The following ANXA10 variants were observed in gnomAD, a reference collection of about 807,000 sequenced individuals.
ANXA10 encodes annexin 14.
ANXA10 carries 49 observed loss-of-function variants against 53.5 expected under a neutral mutation model. That is an observed-to-expected ratio of 0.92 (90% confidence interval 0.73 to 1.16). The LOEUF (loss-of-function observed/expected upper bound fraction) is 1.16, where lower values mean the gene tolerates loss of function less well. ANXA10 is among the 50% of genes most tolerant of loss of function. The probability of loss-of-function intolerance (pLI) is 0.00; values close to 1 mark genes in which losing one functional copy is unlikely to be tolerated. For missense variants in ANXA10, 393 were observed against 394.4 expected, an observed-to-expected ratio of 1.00 and a Z score of 0.03; for synonymous variants, 131 against 128.9, an observed-to-expected ratio of 1.02 and a Z score of -0.11.
At chr4:168,092,826 TG>T (rs1730481111) in intron 1 of ANXA10, 108 bp downstream of exon 1, 1 of 1,062,936 alleles carries the variant, frequency 9.4e-7, no homozygotes, top group Non-Finnish European at 1.3e-6. Flanking sequence ...TGTTCTAATT[TG>T]TTTTTATTCT....
chr4:168,153,934 T>C (rs1187600626), intron 3 of ANXA10, among the ~76,000 whole-genome samples: 1 of 151,978 alleles, frequency 6.6e-6, no homozygotes, highest in African/African-American at 2.4e-5. Flanking sequence ...AATTATATTA[T>C]TTCTTTTTTT....
chr4:168,103,291 G>A (rs868534181), intron 1 of ANXA10, among the ~76,000 whole-genome samples: 2 of 151,850 alleles, frequency 1.3e-5, no homozygotes, highest in African/African-American at 4.8e-5. Context: ...AAGTTTTATA[G>A]ACTTACATTT....
At chr4:168,108,639 T>G (rs1237360751) in intron 1 of ANXA10, among the ~76,000 whole-genome samples, 1 of 152,072 alleles carries the variant, frequency 6.6e-6, no homozygotes, top group Non-Finnish European at 1.5e-5. Context: ...ATGTAGTCTG[T>G]GGCAAAGTCT....
chr4:168,106,630 C>A (rs1730723653), intron 1 of ANXA10, among the ~76,000 whole-genome samples: 1 of 152,084 alleles, frequency 6.6e-6, no homozygotes, highest in Non-Finnish European at 1.5e-5. Flanking sequence ...AAATAATTTA[C>A]CACTTTGTAC....
At chr4:168,173,828 C>G (rs1171162516) in intron 6 of ANXA10, among the ~76,000 whole-genome samples, 1 of 152,142 alleles carries the variant, frequency 6.6e-6, no homozygotes, top group African/African-American at 2.4e-5. Context: ...ACATTCCTAC[C>G]CTTCCCTAAT....
chr4:168,177,779 G>T lies in ANXA10; in HGVS notation c.520G>T (p.Ala174Ser), dbSNP rs1485953464. The T allele has an allele frequency of 3.7e-6, 6 of 1,614,170 alleles. No individual in the cohort carries two copies. In the South Asian group the frequency reaches 5.5e-5, roughly 15 times the overall value. Residue 174 changes from alanine to serine, a missense_variant, in exon 7 of 12, where the codon GCT becomes TCT. Physicochemically the swap from Ala to Ser is moderately conservative, Grantham distance 99 (BLOSUM62 1). Transcript: ENST00000359299. ...AGGATATACAGACCCTGCGATGGCT[G>T]CTCAGGATGCAATGGTAACTAGAAC... is the stretch of plus-strand genomic sequence containing the variant. ...EEGYTDPAMA[A>S]QDAMVLWEAC...
At chr4:168,128,392 ATGTT>A (rs1731106857) in intron 2 of ANXA10, among the ~76,000 whole-genome samples, 2 of 152,188 alleles carry the variant, frequency 1.3e-5, no homozygotes, top group African/African-American at 4.8e-5. Context: ...TAATCTTAAA[ATGTT>A]TGCCTTAAAT....
In ANXA10 at chr4:168,130,052, A is replaced by G. The variant is rs1278984619; in HGVS notation, c.100+1887A>G. 2.0e-5 allele frequency among the ~76,000 whole-genome samples: 3 copies of G among 152,164 alleles called. No individual in the cohort carries two copies. In the East Asian group the frequency reaches 5.8e-4, roughly 29 times the overall value. ...TGCTCAGTGCTATTCAGAGTGGACA[A>G]TCTCAGCTTGTTCCTGATCTTTCTG... On this transcript the variant is annotated intron_variant, in intron 2 of 11. Transcript: ENST00000359299.
At chr4:168,166,631 CG>C (rs1731883818) in intron 6 of ANXA10, among the ~76,000 whole-genome samples, 1 of 136,704 alleles carries the variant, frequency 7.3e-6, no homozygotes, top group Non-Finnish European at 1.6e-5. Flanking sequence ...TTTTGTGTTT[CG>C]TGTGTGTGTG....
At chr4:168,170,249 C>T (rs1211045271) in intron 6 of ANXA10, among the ~76,000 whole-genome samples, 1 of 151,972 alleles carries the variant, frequency 6.6e-6, no homozygotes, top group African/African-American at 2.4e-5. Flanking sequence ...TTAAAGATAA[C>T]ATCAACTTGA....
At chr4:168,150,348 G>A (rs977947471) in intron 3 of ANXA10, among the ~76,000 whole-genome samples, 3 of 152,104 alleles carry the variant, frequency 2.0e-5, no homozygotes, top group South Asian at 2.1e-4. Context: ...GAAGCTATTC[G>A]AAAGAATATT....
intron 1 of ANXA10, among the ~76,000 whole-genome samples, chr4:168,119,972 G>A (rs143656238): frequency 1.8e-4 from 28 of 152,142 alleles, no homozygotes; most frequent in Admixed American, 1.8e-3. Flanking sequence ...TACCTTTGCT[G>A]TGTCTCACTT....
At chr4:168,118,725 A>T (rs1730938411) in intron 1 of ANXA10, among the ~76,000 whole-genome samples, 1 of 152,194 alleles carries the variant, frequency 6.6e-6, no homozygotes, top group Non-Finnish European at 1.5e-5. Context: ...TTGCTTTTTA[A>T]AAATATGTGT....
chr4:168,118,717 G>T (rs1730938258), intron 1 of ANXA10, among the ~76,000 whole-genome samples: 1 of 152,074 alleles, frequency 6.6e-6, no homozygotes, highest in South Asian at 2.1e-4. Context: ...TTAGAGATTT[G>T]CTTTTTAAAA....
chr4:168,123,471 T>C (rs1731022043), intron 1 of ANXA10, among the ~76,000 whole-genome samples: 1 of 152,148 alleles, frequency 6.6e-6, no homozygotes, highest in African/African-American at 2.4e-5. Flanking sequence ...TGGTTTAATA[T>C]ACCTAACAGG....
chr4:168,109,687 T>C (rs1280447772), intron 1 of ANXA10, among the ~76,000 whole-genome samples: 1 of 152,234 alleles, frequency 6.6e-6, no homozygotes, highest in African/African-American at 2.4e-5. Context: ...AAAAAATAAC[T>C]GCAGACTCCT....
rs1310830185 is a variant in ANXA10, at chr4:168,187,589, TA to T, written c.*156del. The T allele has an allele frequency of 2.2e-6, 1 of 454,056 alleles. No individual in the cohort carries two copies. Among genetic ancestry groups the T allele is most frequent in the Admixed American group, 4.3e-5 (1 of 23,304 alleles). The allele number at this position is 454,056 out of a possible 1,614,324, so 28.1% of individuals were successfully genotyped here. ...GAAATTATTCTAAGCCAAAGAAAAC[TA>T]TGAATGAAAGTATATGATACTGAAT... On this transcript the variant is annotated 3_prime_UTR_variant, in exon 12 of 12. Transcript: ENST00000359299.
intron 1 of ANXA10, among the ~76,000 whole-genome samples, chr4:168,101,115 T>C (rs536760338): frequency 6.6e-6 from 1 of 152,138 alleles, no homozygotes; most frequent in Non-Finnish European, 1.5e-5. Context: ...TTAGTACTAT[T>C]CCCTTGGTGC....
chr4:168,154,001 C>T (rs1248060974), intron 3 of ANXA10, among the ~76,000 whole-genome samples: 1 of 145,580 alleles, frequency 6.9e-6, no homozygotes, highest in Non-Finnish European at 1.5e-5. Context: ...CACACACACA[C>T]ACGCACACAC....
Sources: allele counts gnomAD v4.1 joint callset (sites outside exome capture counted in the v4.1 genomes callset), GRCh38; gene constraint gnomAD v4.1.1; transcripts MANE v1.5; gene names NCBI Gene and HGNC (gene_info 2026-07-23, HGNC 2026-07-21).